The following MARK1 variants were observed in gnomAD, a reference collection of about 807,000 sequenced individuals.
MARK1 encodes the protein serine/threonine-protein kinase MARK1.
Under a neutral mutation model 96.3 loss-of-function variants are expected in MARK1, and 40 were observed. The ratio of observed to expected loss-of-function variants is 0.42; its 90% CI spans 0.32 to 0.54. The LOEUF (loss-of-function observed/expected upper bound fraction) is 0.54, where lower values mean the gene tolerates loss of function less well. Ranked by LOEUF, MARK1 falls within the 20% of genes least tolerant of loss-of-function variation. The pLI is 0.16. For missense variants in MARK1, 719 were observed against 984.6 expected (o/e 0.73, Z 3.61); for synonymous variants, 317 against 341.2 (o/e 0.93, Z 0.78).
In MARK1 at chr1:220,528,187, C is replaced by T. The variant is rs1457354358; in HGVS notation, c.-636C>T. 6.6e-6 allele frequency: 1 copy of T among 150,516 alleles called. No homozygotes were observed. Among genetic ancestry groups the T allele is most frequent in the Non-Finnish European group, 1.5e-5 (1 of 67,472 alleles). 9.3% of individuals were successfully genotyped at this position (150,516 alleles called of 1,614,324 possible). On this transcript the variant is annotated 5_prime_UTR_variant, in exon 1 of 18. Transcript: ENST00000366917. ...TGGGCGCTGCGTGCCGCGCCCGCTG[C>T]TCCGCGCGCAGCCGGCTCGGGCCGC...
chr1:220,615,870 G>A, intron 6 of MARK1, 69 bp from the exon 7 acceptor site: 1 of 767,072 alleles, frequency 1.3e-6, no homozygotes, highest in Non-Finnish European at 2.2e-6. Flanking sequence ...TATCTAAATT[G>A]GAGGTGATTA....
chr1:220,558,705 T>C (rs1163742647), intron 1 of MARK1, among the ~76,000 whole-genome samples: 1 of 151,906 alleles, frequency 6.6e-6, no homozygotes, highest in African/African-American at 2.4e-5. Context: ...AAACAAAAAA[T>C]TGATATATTT....
At chr1:220,592,219 C>CATATCATATTATATTATATT (rs959896118) in intron 3 of MARK1, among the ~76,000 whole-genome samples, 5 of 136,524 alleles carry the variant, frequency 3.7e-5, no homozygotes, top group African/African-American at 1.3e-4. Flanking sequence ...ATGATTATAT[C>CATATCATATTATATTATATT]ATATTATATT....
At chr1:220,597,043 G>A (rs1190116704) in intron 3 of MARK1, among the ~76,000 whole-genome samples, 1 of 152,104 alleles carries the variant, frequency 6.6e-6, no homozygotes, top group Non-Finnish European at 1.5e-5. Flanking sequence ...TCTATCATGT[G>A]TCAGAATTTC....
At chr1:220,652,311 C>CT in intron 15 of MARK1, among the ~76,000 whole-genome samples, 161 bp downstream of exon 15, 1 of 152,268 alleles carries the variant, frequency 6.6e-6, no homozygotes, top group South Asian at 2.1e-4. Context: ...TTTCTATGTA[C>CT]TTTGGCTGTT....
chr1:220,628,647 T>A (rs1183176453), intron 9 of MARK1, among the ~76,000 whole-genome samples: 2 of 152,190 alleles, frequency 1.3e-5, no homozygotes, highest in African/African-American at 4.8e-5. Context: ...AGCCCTCTTC[T>A]ATTCATTCTT....
chr1:220,567,272 A>C lies in MARK1; in HGVS notation c.52-12082A>C, dbSNP rs77141962. Among the ~76,000 whole-genome samples the C allele has an allele frequency of 8.6e-3, 1,314 of 152,266 alleles. 16 individuals are homozygous for C. The highest frequency in any genetic ancestry group is 0.029 in the African/African-American group (1,202 of 41,570). On this transcript the variant is annotated intron_variant, in intron 1 of 17. Transcript: ENST00000366917. The stretch of plus-strand genomic sequence containing the variant: ...TTGTTTCCGACCTTTTGTTATTACA[A>C]ATATTTTATTGCAGTGAATGTCTGA...
At chr1:220,556,093 A>G (rs904336098) in intron 1 of MARK1, among the ~76,000 whole-genome samples, 2 of 152,202 alleles carry the variant, frequency 1.3e-5, no homozygotes, top group Admixed American at 1.3e-4. Context: ...GAGTTGGGAC[A>G]TGTAGCTCTA....
intron 1 of MARK1, among the ~76,000 whole-genome samples, chr1:220,546,127 C>A (rs957331600): frequency 6.6e-5 from 10 of 152,194 alleles, no homozygotes; most frequent in African/African-American, 2.4e-4. Flanking sequence ...TCTCACTCTG[C>A]TCCTTGCCTG....
chr1:220,660,947 A>G (rs1361099981), intron 17 of MARK1, among the ~76,000 whole-genome samples: 1 of 152,238 alleles, frequency 6.6e-6, no homozygotes, highest in Non-Finnish European at 1.5e-5. Context: ...TGTAAGTGCT[A>G]TCAAGAAAAA....
At chr1:220,582,501 A>G (rs1467743986) in intron 3 of MARK1, among the ~76,000 whole-genome samples, 1 of 152,198 alleles carries the variant, frequency 6.6e-6, no homozygotes, top group Non-Finnish European at 1.5e-5. Flanking sequence ...AAACTGGGTA[A>G]TTGTACACAG....
chr1:220,604,223 A>G (rs972275071), intron 6 of MARK1, 86 bp downstream of exon 6: 11 of 671,260 alleles, frequency 1.6e-5, no homozygotes, highest in East Asian at 2.9e-5. Context: ...TTCACAGCAC[A>G]TGGTATTTTA....
chr1:220,599,652 G>T, intron 4 of MARK1, 146 bp from the exon 5 acceptor site: 1 of 444,450 alleles, frequency 2.2e-6, no homozygotes, highest in African/African-American at 2.0e-5. Context: ...AATAATCTTT[G>T]AGAGACTTTT....
rs1553316260 is a variant in MARK1, at chr1:220,556,496, A to AC, written c.52-22858_52-22857insC. 6.8e-5 allele frequency among the ~76,000 whole-genome samples: 10 copies of AC among 147,904 alleles called. No individual in the cohort carries two copies. The East Asian group carries it at 8.1e-4, about 12-fold the overall frequency. ...CCATGGGACTGTCACAAAAAAAAAA[A>AC]AAAAAAAAAACAAATTACAGATTTC... On this transcript the variant is annotated intron_variant, in intron 1 of 17. Transcript: ENST00000366917.
chr1:220,633,788 GCCAAGA>G (rs1220228713), intron 11 of MARK1, among the ~76,000 whole-genome samples: 1 of 152,202 alleles, frequency 6.6e-6, no homozygotes, highest in African/African-American at 2.4e-5. Context: ...AAGCACATTT[GCCAAGA>G]TAGGAAAGGT....
chr1:220,570,683 T>C (rs982624939), intron 1 of MARK1, among the ~76,000 whole-genome samples: 4 of 152,170 alleles, frequency 2.6e-5, no homozygotes, highest in African/African-American at 9.6e-5. Flanking sequence ...AATATTTCAT[T>C]TAGGTTCCTT....
chr1:220,583,877 A>G (rs1664419225), intron 3 of MARK1, among the ~76,000 whole-genome samples: 1 of 137,596 alleles, frequency 7.3e-6, no homozygotes, highest in East Asian at 2.2e-4. Context: ...CATGTTGGCC[A>G]GGATGGTCTC....
At chr1:220,621,679 AT>A (rs1000799434) in intron 9 of MARK1, among the ~76,000 whole-genome samples, 4 of 152,004 alleles carry the variant, frequency 2.6e-5, no homozygotes, top group African/African-American at 9.7e-5. Flanking sequence ...TAATTTCCAC[AT>A]TTAAAAAAAA....
chr1:220,594,265 T>C (rs999296738), intron 3 of MARK1, among the ~76,000 whole-genome samples: 2 of 152,146 alleles, frequency 1.3e-5, no homozygotes, highest in African/African-American at 4.8e-5. Context: ...CAAATAAGCA[T>C]ATGAAAAGAT....
Sources: gnomAD v4.1 joint callset for allele counts (sites outside exome capture counted in the v4.1 genomes callset) on GRCh38, gnomAD v4.1.1 for gene constraint, MANE v1.5 for transcripts, NCBI Gene and HGNC (gene_info 2026-07-23, HGNC 2026-07-21) for gene names.